HERC6: variants seen among roughly 807,000 people sequenced by gnomAD.
HERC6 encodes the protein probable E3 ubiquitin-protein ligase HERC6.
A neutral mutation model predicts 114.5 loss-of-function variants in HERC6; 101 were observed. The observed-to-expected ratio is 0.88, with a 90% CI of 0.75 to 1.04. The LOEUF (loss-of-function observed/expected upper bound fraction) is 1.04, where lower values mean the gene tolerates loss of function less well. HERC6 is among the 50% of genes least tolerant of loss of function. HERC6 has a pLI of 0.00. For synonymous variants in HERC6, 408 were observed against 436.2 expected (o/e 0.94, Z 0.81); for missense variants, 1,133 against 1,230.9 (o/e 0.92, Z 1.19).
At chr4:88,410,892 A>C (rs1221056186) in intron 11 of HERC6, among the ~76,000 whole-genome samples, 1 of 152,192 alleles carries the variant, frequency 6.6e-6, no homozygotes, top group Non-Finnish European at 1.5e-5. Flanking sequence ...TCTCATCCAC[A>C]TGCAAGTTGT....
At chr4:88,382,442 A>G (rs186827054) in intron 1 of HERC6, among the ~76,000 whole-genome samples, 1 of 152,128 alleles carries the variant, frequency 6.6e-6, no homozygotes, top group Non-Finnish European at 1.5e-5. Flanking sequence ...CAAGGGATTC[A>G]CTGCTTTCAG....
chr4:88,439,787 A>G, intron 20 of HERC6, 87 bp from the exon 21 acceptor site: 1 of 1,241,274 alleles, frequency 8.1e-7, no homozygotes, highest in Non-Finnish European at 1.1e-6. Context: ...CTCAATAGAA[A>G]TAGTAAAAAG....
At chr4:88,437,175 G>T (rs1448821874) in intron 19 of HERC6, among the ~76,000 whole-genome samples, 2 of 151,850 alleles carry the variant, frequency 1.3e-5, no homozygotes, top group Non-Finnish European at 1.5e-5. Flanking sequence ...TCCTACCTCA[G>T]CCTCCTGAGT....
intron 4 of HERC6, among the ~76,000 whole-genome samples, chr4:88,392,041 T>TCCCCTCCCCTTCTCTCCCA (rs1734949818): frequency 3.5e-5 from 1 of 28,444 alleles, no homozygotes. Flanking sequence ...CTTCTCTCCC[T>TCCCCTCCCCTTCTCTCCCA]CCCTCCCCTC....
At chr4:88,385,362 G>A in intron 2 of HERC6, 137 bp from the exon 3 acceptor site, 1 of 597,836 alleles carries the variant, frequency 1.7e-6, no homozygotes, top group Non-Finnish European at 3.0e-6. Flanking sequence ...TGAAATAAAG[G>A]TACTATAGAA....
chr4:88,379,433 C>T (rs748832473), intron 1 of HERC6, among the ~76,000 whole-genome samples: 4 of 151,542 alleles, frequency 2.6e-5, no homozygotes, highest in African/African-American at 7.3e-5. Context: ...AATTCAAGTT[C>T]AAAGCGAAAC....
At position 88,379,005 on chromosome 4, in the gene HERC6, G is replaced by A; in HGVS notation, c.84G>A (p.Ala28=). ...GCCCCGGGGCTGAGCTACTGCAGGC[G>A]GCCAGCGGGGAGCGCCACTCTCTGC... is the stretch of plus-strand genomic sequence containing the variant. ...AGSPGAELLQ[A]ASGERHSLLL... is the part of the protein sequence containing the mutation. The change falls in exon 1 of 23, where the codon GCG becomes GCA. Residue 28 remains alanine (A), a synonymous_variant. Transcript: ENST00000264346. 1 of 1,573,976 alleles carries A rather than the reference G, an allele frequency of 6.4e-7. No homozygotes were observed. Among genetic ancestry groups the A allele is most frequent in the South Asian group, 1.2e-5 (1 of 86,014 alleles).
intron 21 of HERC6, 30 bp from the exon 22 acceptor site, chr4:88,440,118 C>A: frequency 6.2e-7 from 1 of 1,602,396 alleles, no homozygotes; most frequent in Non-Finnish European, 8.5e-7. Flanking sequence ...CCACCCCACT[C>A]AAATCATTTT....
At chr4:88,383,623 C>T (rs1014600410) in intron 2 of HERC6, among the ~76,000 whole-genome samples, 2 of 151,670 alleles carry the variant, frequency 1.3e-5, no homozygotes, top group Non-Finnish European at 2.9e-5. Context: ...ATTAGCCGGG[C>T]ATGGTGTCAG....
intron 11 of HERC6, among the ~76,000 whole-genome samples, chr4:88,410,172 T>C (rs1736013371): frequency 6.6e-6 from 1 of 152,142 alleles, no homozygotes; most frequent in Non-Finnish European, 1.5e-5. Context: ...CCCAAGGTAG[T>C]GGGAGCACAG....
chr4:88,413,522 A>T (rs1736250439), intron 12 of HERC6, among the ~76,000 whole-genome samples: 1 of 152,128 alleles, frequency 6.6e-6, no homozygotes, highest in African/African-American at 2.4e-5. Flanking sequence ...TTAGACTTGG[A>T]TGTGGCTTTG....
At position 88,405,520 on chromosome 4, in the gene HERC6, T is replaced by G. The variant is rs144428378; in HGVS notation, c.1215-34T>G. On this transcript the variant is annotated intron_variant, in intron 9 of 22. Coordinates refer to ENST00000264346, the MANE Select transcript of HERC6 (RefSeq NM_017912.4). ...TTTTCAAAAGGCATGCTTTATTATA[T>G]GTTGTGACTTACCCCTTGTTATTAC... is the stretch of plus-strand genomic sequence containing the variant. 1,971 of 1,235,360 alleles carry G rather than the reference T, an allele frequency of 1.6e-3. 2 individuals are homozygous for G. Among genetic ancestry groups the G allele is most frequent in the Non-Finnish European group, 2.1e-3 (1,823 of 877,892 alleles). The allele number at this position is 1,235,360 out of a possible 1,614,324, so 76.5% of individuals were successfully genotyped here.
chr4:88,420,443 G>C (rs927285383), intron 13 of HERC6, among the ~76,000 whole-genome samples: 7 of 152,112 alleles, frequency 4.6e-5, no homozygotes, highest in African/African-American at 1.7e-4. Flanking sequence ...AGAACAATTG[G>C]AGAGAGAATG....
At chr4:88,437,595 G>A (rs897008165) in intron 19 of HERC6, 116 bp from the exon 20 acceptor site, 21 of 683,468 alleles carry the variant, frequency 3.1e-5, no homozygotes, top group Admixed American at 2.6e-4. Flanking sequence ...AAATTATTTA[G>A]CTCCAAGTTA....
At chr4:88,435,946 G>A (rs1738693378) in intron 18 of HERC6, 55 bp downstream of exon 18, 4 of 1,333,180 alleles carry the variant, frequency 3.0e-6, no homozygotes, top group East Asian at 2.5e-5. Flanking sequence ...CAGTTGTTTA[G>A]GCATAAATAA....
At chr4:88,380,909 A>C (rs1560529927) in intron 1 of HERC6, among the ~76,000 whole-genome samples, 1 of 152,084 alleles carries the variant, frequency 6.6e-6, no homozygotes, top group Admixed American at 6.6e-5. Context: ...AAATCATGTC[A>C]TTATAGATTT....
chr4:88,433,156 T>C (rs1323759836), intron 17 of HERC6, among the ~76,000 whole-genome samples: 1 of 152,194 alleles, frequency 6.6e-6, no homozygotes, highest in East Asian at 1.9e-4. Flanking sequence ...TTAATCTGTG[T>C]ATGAAATTGT....
intron 10 of HERC6, among the ~76,000 whole-genome samples, chr4:88,407,684 T>G (rs1285325220): frequency 6.6e-6 from 1 of 152,180 alleles, no homozygotes; most frequent in Non-Finnish European, 1.5e-5. Context: ...GTGTTGGAAT[T>G]ACAGGCATGA....
intron 11 of HERC6, 54 bp from the exon 12 acceptor site, chr4:88,413,023 T>C: frequency 7.7e-7 from 1 of 1,291,084 alleles, no homozygotes; most frequent in South Asian, 1.4e-5. Context: ...CTTCTCACAA[T>C]CCTCTGTATC....
Sources: gnomAD v4.1 joint callset for allele counts (sites outside exome capture counted in the v4.1 genomes callset) on GRCh38, gnomAD v4.1.1 for gene constraint, MANE v1.5 for transcripts, NCBI Gene and HGNC (gene_info 2026-07-23, HGNC 2026-07-21) for gene names.